The following DISC1 variants were observed in gnomAD, a reference collection of about 807,000 sequenced individuals.
The protein encoded by DISC1 is DISC1 scaffold protein.
Under a neutral mutation model 84.5 loss-of-function variants are expected in DISC1, and 57 were observed. The ratio of observed to expected loss-of-function variants is 0.67; its 90% CI spans 0.55 to 0.84. DISC1 has a LOEUF of 0.84. Ranked by LOEUF, DISC1 falls within the 40% of genes least tolerant of loss-of-function variation. DISC1 has a pLI of 0.00. For missense variants in DISC1, 1,000 were observed against 1,057.8 expected (o/e 0.95, Z 0.76); for synonymous variants, 411 against 415.2 (o/e 0.99, Z 0.12).
chr1:231,751,140 CT>C (rs1174593015), intron 4 of DISC1, among the ~76,000 whole-genome samples: 2 of 152,184 alleles, frequency 1.3e-5, no homozygotes, highest in African/African-American at 2.4e-5. Flanking sequence ...CATTTTCATT[CT>C]TTTCTAATCT....
At chr1:231,890,526 A>G (rs1452800604) in intron 9 of DISC1, among the ~76,000 whole-genome samples, 1 of 152,240 alleles carries the variant, frequency 6.6e-6, no homozygotes, top group Non-Finnish European at 1.5e-5. Context: ...ATAGTCAAAT[A>G]CATAGAAACA....
chr1:232,029,308 G>A (rs911442121), intron 12 of DISC1, among the ~76,000 whole-genome samples: 3 of 152,170 alleles, frequency 2.0e-5, no homozygotes, highest in Admixed American at 6.5e-5. Flanking sequence ...CACAGAAGGT[G>A]TCTTTGAATT....
chr1:231,859,142 C>T (rs967865378), intron 9 of DISC1, among the ~76,000 whole-genome samples: 4 of 152,104 alleles, frequency 2.6e-5, no homozygotes, highest in Non-Finnish European at 5.9e-5. Flanking sequence ...CCTGTATAAT[C>T]CCCCCACCAA....
chr1:232,037,684 A>C lies in DISC1; in HGVS notation c.*853A>C, dbSNP rs964636195. The C allele has an allele frequency of 1.3e-5, 2 of 152,082 alleles. No homozygotes were observed. Among genetic ancestry groups the C allele is most frequent in the Non-Finnish European group, 2.9e-5 (2 of 68,060 alleles). The allele number at this position is 152,082 out of a possible 1,614,324, so 9.4% of individuals were successfully genotyped here. ...AAGGCAGTGCAGTACTCAGTAACAC[A>C]ATACAGTACTCAGGCAGTGCAGTAC... On this transcript the variant is annotated 3_prime_UTR_variant, in exon 13 of 13. Coordinates refer to ENST00000439617, the MANE Select transcript of DISC1 (RefSeq NM_018662.3).
intron 7 of DISC1, among the ~76,000 whole-genome samples, chr1:231,799,471 A>G (rs1291665072): frequency 1.3e-5 from 2 of 152,080 alleles, no homozygotes. Flanking sequence ...AAGGAATAGA[A>G]TTACATGGTG....
chr1:232,009,356 T>C lies in DISC1; in HGVS notation c.2307+307T>C. 1.1e-6 allele frequency: 1 copy of C among 884,606 alleles called. No homozygotes were observed. Among genetic ancestry groups the C allele is most frequent in the Non-Finnish European group, 1.4e-6 (1 of 705,034 alleles). 54.8% of individuals were successfully genotyped at this position (884,606 alleles called of 1,614,324 possible). On this transcript the variant is annotated intron_variant, in intron 11 of 12. Coordinates refer to ENST00000439617, the MANE Select transcript of DISC1 (RefSeq NM_018662.3). This position sits in a 1 kb window ranked among gnomAD's most constrained non-coding sequence, Gnocchi z 4.6. ...CCATATATAGCATACATTATATATG[T>C]CATATATAATATAGTTATTATATTC... is the stretch of plus-strand genomic sequence containing the variant.
chr1:231,818,335 AT>A lies in DISC1; in HGVS notation c.1802del (p.Phe601SerfsTer14), dbSNP rs1198240143. ...EAKMHAISGN[H>X]FWTAKDLTEE... ...CTCCCACAACGTGCTGTAGGAAACC[AT>A]TTCTGGACGGCTAAAGACCTCACCG... is the stretch of plus-strand genomic sequence containing the variant. On this transcript the variant is annotated frameshift_variant, in exon 9 of 13. Coordinates refer to ENST00000439617, the MANE Select transcript of DISC1 (RefSeq NM_018662.3). LOFTEE classifies it high-confidence loss of function. 6.2e-7 allele frequency: 1 copy of A among 1,613,790 alleles called. No individual in the cohort carries two copies. Among genetic ancestry groups the A allele is most frequent in the Non-Finnish European group, 8.5e-7 (1 of 1,179,860 alleles).
intron 6 of DISC1, among the ~76,000 whole-genome samples, chr1:231,785,084 G>T (rs1362783269): frequency 6.6e-6 from 1 of 151,964 alleles, no homozygotes; most frequent in East Asian, 1.9e-4. Context: ...AGGGTCTAAG[G>T]AAAGAAAAAG....
chr1:231,738,583 C>T lies in DISC1; in HGVS notation c.1118-11343C>T, dbSNP rs548211057. 3.9e-5 allele frequency among the ~76,000 whole-genome samples: 6 copies of T among 152,256 alleles called. No homozygotes were observed. In the South Asian group the frequency reaches 8.3e-4, roughly 21 times the overall value. ...GGTGTCACACAGTGTGGACCCCTCC[C>T]GCCACTGTGGATGGTAACCTTCATC... On this transcript the variant is annotated intron_variant, in intron 3 of 12. Coordinates refer to ENST00000439617, the MANE Select transcript of DISC1 (RefSeq NM_018662.3).
At chr1:231,768,605 C>G (rs1044722257) in intron 5 of DISC1, among the ~76,000 whole-genome samples, 1 of 152,146 alleles carries the variant, frequency 6.6e-6, no homozygotes, top group African/African-American at 2.4e-5. Context: ...TTGAAGCACT[C>G]TGGGAAAGGT....
At chr1:231,818,194 A>T in intron 8 of DISC1, 135 bp from the exon 9 acceptor site, 1 of 930,006 alleles carries the variant, frequency 1.1e-6, no homozygotes. Flanking sequence ...AGGACTGCTA[A>T]GGAAATTGTA....
intron 3 of DISC1, among the ~76,000 whole-genome samples, chr1:231,711,040 C>G (rs1213970912): frequency 6.6e-6 from 1 of 151,224 alleles, no homozygotes; most frequent in Admixed American, 6.6e-5. Flanking sequence ...TTTTTTAAAG[C>G]AGACTTTTTG....
At chr1:231,749,893 T>C (rs778186759) in intron 3 of DISC1, 33 bp from the exon 4 acceptor site, 16 of 1,613,934 alleles carry the variant, frequency 9.9e-6, no homozygotes, top group South Asian at 9.9e-5. Flanking sequence ...TCATGGTTCT[T>C]TTTTCCTCTC....
intron 9 of DISC1, among the ~76,000 whole-genome samples, chr1:231,896,384 G>A (rs2087691827): frequency 6.6e-6 from 1 of 152,152 alleles, no homozygotes; most frequent in Non-Finnish European, 1.5e-5. Context: ...CAGAACTCTA[G>A]GTATGGCTTC....
intron 4 of DISC1, among the ~76,000 whole-genome samples, chr1:231,751,847 T>A (rs2074631404): frequency 1.3e-5 from 2 of 152,272 alleles, no homozygotes; most frequent in African/African-American, 4.8e-5. Flanking sequence ...ATGGATAGAC[T>A]ACAGTTTGCT....
rs760513137 is a variant in DISC1 at position 232,026,484 on chromosome 1, G to A, written c.2357G>A (p.Gly786Asp). ...AELGEKCEDIGKKLLYLEDQL... is the reference protein window; with the variant it reads ...AELGEKCEDIDKKLLYLEDQL... ...CTTGGAGAAAAGTGTGAAGACATAG[G>A]CAAGAAGCTATTGTACTTGGAAGAT... Residue 786 changes from glycine to aspartate, a missense_variant, in exon 12 of 13, where the codon GGC becomes GAC. This residue lies in a region of DISC1 where 397 missense variants were observed against 377.5 expected (regional missense o/e 1.05). Coordinates refer to ENST00000439617, the MANE Select transcript of DISC1 (RefSeq NM_018662.3). 7 of 1,608,666 alleles carry A rather than the reference G, an allele frequency of 4.4e-6. No homozygotes were observed. Among genetic ancestry groups the A allele is most frequent in the Non-Finnish European group, 2.5e-6 (3 of 1,177,518 alleles).
chr1:231,733,102 G>C (rs1363152296), intron 3 of DISC1, among the ~76,000 whole-genome samples: 3 of 556 alleles, frequency 5.4e-3, no homozygotes, highest in Non-Finnish European at 0.012. Context: ...GGTAGAGTTG[G>C]TGATGGTGGT....
At chr1:232,018,423 G>C (rs1401628695) in intron 11 of DISC1, among the ~76,000 whole-genome samples, 1 of 152,182 alleles carries the variant, frequency 6.6e-6, no homozygotes, top group Non-Finnish European at 1.5e-5. Context: ...TCTTCTACTG[G>C]GGCATGTGGT....
At chr1:231,821,048 T>C (rs201397192) in intron 9 of DISC1, among the ~76,000 whole-genome samples, 7 of 152,206 alleles carry the variant, frequency 4.6e-5, no homozygotes, top group Non-Finnish European at 8.8e-5. Context: ...TCTGGCTAGA[T>C]TGTGAGTCCA....
Sources: allele counts gnomAD v4.1 joint callset (sites outside exome capture counted in the v4.1 genomes callset), GRCh38; gene constraint gnomAD v4.1.1; regional missense constraint gnomAD v4.1.1; non-coding constraint Gnocchi (gnomAD v3.1); transcripts MANE v1.5; gene names NCBI Gene and HGNC (gene_info 2026-07-23, HGNC 2026-07-21).